The following RCAN2 variants were observed in gnomAD, a reference collection of about 807,000 sequenced individuals.
The protein encoded by RCAN2 is calcipressin-2.
In RCAN2, 9 loss-of-function variants were observed where a neutral mutation model predicts 23.6. The ratio of observed to expected loss-of-function variants is 0.38; its 90% CI spans 0.23 to 0.67. RCAN2 has a LOEUF of 0.67. RCAN2 is among the 30% of genes least tolerant of loss of function. The probability of loss-of-function intolerance (pLI) is 0.51; values close to 1 mark genes in which losing one functional copy is unlikely to be tolerated. For synonymous variants in RCAN2, 109 were observed against 115.7 expected, an observed-to-expected ratio of 0.94 and a Z score of 0.37; for missense variants, 273 against 302.3, an observed-to-expected ratio of 0.90 and a Z score of 0.72.
intron 2 of RCAN2, among the ~76,000 whole-genome samples, chr6:46,367,718 A>T (rs555868885): frequency 6.6e-6 from 1 of 152,340 alleles, no homozygotes; most frequent in South Asian, 2.1e-4. Context: ...TTTGAAACAC[A>T]TATAATCTCA....
rs979702293 is a variant in RCAN2 at position 46,296,066 on chromosome 6, C to T, written c.226-47170G>A. Among the ~76,000 whole-genome samples the T allele has an allele frequency of 2.9e-5, 4 of 138,452 alleles. No homozygotes were observed. In the East Asian group the frequency reaches 6.5e-4, roughly 23 times the overall value. 90.8% of individuals were successfully genotyped at this position (138,452 alleles called of 152,430 possible). On this transcript the variant is annotated intron_variant, in intron 2 of 4. Transcript: ENST00000371374. ...GCCTGGGATTACAGTCCAATAGCTT[C>T]GTGTGTGTGTGTGTGTGTGTGTGTG...
At chr6:46,426,350 CCTT>C (rs1230471477) in intron 2 of RCAN2, among the ~76,000 whole-genome samples, 1 of 152,064 alleles carries the variant, frequency 6.6e-6, no homozygotes, top group Non-Finnish European at 1.5e-5. Context: ...GTATAATAGA[CCTT>C]CTCTAGGTTT....
chr6:46,465,542 G>A (rs2150437943), intron 1 of RCAN2, among the ~76,000 whole-genome samples: 1 of 152,318 alleles, frequency 6.6e-6, no homozygotes, highest in South Asian at 2.1e-4. Flanking sequence ...GGGATATTCT[G>A]GAGAGAACAG....
intron 2 of RCAN2, among the ~76,000 whole-genome samples, chr6:46,282,445 C>A (rs56005039): frequency 4.9e-3 from 717 of 147,158 alleles, no homozygotes; most frequent in Non-Finnish European, 6.7e-3. Context: ...CCACTGCACT[C>A]CAGCCTGGGT....
chr6:46,293,069 G>A (rs372525559), intron 2 of RCAN2, among the ~76,000 whole-genome samples: 3 of 152,200 alleles, frequency 2.0e-5, no homozygotes, highest in African/African-American at 7.2e-5. Flanking sequence ...TTTTTTAATG[G>A]TTGTATAGTA....
chr6:46,370,549 G>A (rs1019220727), intron 2 of RCAN2, among the ~76,000 whole-genome samples: 1 of 152,170 alleles, frequency 6.6e-6, no homozygotes, highest in African/African-American at 2.4e-5. Flanking sequence ...TGTGACTTCT[G>A]CTTCCTCCCG....
At chr6:46,484,697 G>A (rs1405189603) in intron 1 of RCAN2, among the ~76,000 whole-genome samples, 2 of 152,180 alleles carry the variant, frequency 1.3e-5, no homozygotes, top group Non-Finnish European at 2.9e-5. Flanking sequence ...CTGTATCCAT[G>A]GGCCAGGCCA....
chr6:46,249,383 A>C (rs1488122145), intron 2 of RCAN2, among the ~76,000 whole-genome samples: 1 of 133,924 alleles, frequency 7.5e-6, no homozygotes, highest in Non-Finnish European at 1.5e-5. Context: ...CAGTGGCATG[A>C]TCTTGGCTCA....
At chr6:46,365,715 A>T in intron 2 of RCAN2, among the ~76,000 whole-genome samples, 1 of 152,156 alleles carries the variant, frequency 6.6e-6, no homozygotes, top group East Asian at 1.9e-4. Flanking sequence ...CTTAAAGCTC[A>T]ACATATTTGA....
intron 1 of RCAN2, among the ~76,000 whole-genome samples, chr6:46,483,301 T>C (rs1300516503): frequency 1.3e-5 from 2 of 152,190 alleles, no homozygotes; most frequent in Non-Finnish European, 2.9e-5. Context: ...AGGTTTACCA[T>C]TCCATCTCAC....
At chr6:46,338,520 G>C (rs1457519211) in intron 2 of RCAN2, among the ~76,000 whole-genome samples, 1 of 152,092 alleles carries the variant, frequency 6.6e-6, no homozygotes, top group East Asian at 1.9e-4. Flanking sequence ...ATAGGCAATG[G>C]GGAGTGAATT....
At chr6:46,230,491 A>C (rs895681062) in intron 4 of RCAN2, among the ~76,000 whole-genome samples, 1 of 152,136 alleles carries the variant, frequency 6.6e-6, no homozygotes, top group Admixed American at 6.6e-5. Context: ...GCCCCTCCTC[A>C]CAGCCTCCCT....
At chr6:46,225,443 T>C (rs1395271228) in intron 4 of RCAN2, among the ~76,000 whole-genome samples, 1 of 152,208 alleles carries the variant, frequency 6.6e-6, no homozygotes, top group Non-Finnish European at 1.5e-5. Context: ...CTCCAGCACC[T>C]GTTGTTTCCT....
At chr6:46,368,522 C>G (rs1046892492) in intron 2 of RCAN2, among the ~76,000 whole-genome samples, 1 of 152,126 alleles carries the variant, frequency 6.6e-6, no homozygotes, top group Non-Finnish European at 1.5e-5. Flanking sequence ...TTACACAAAC[C>G]TAGATGGTAT....
chr6:46,354,891 TTA>T (rs1218658331), intron 2 of RCAN2, among the ~76,000 whole-genome samples: 1,500 of 141,572 alleles, frequency 0.011, 15 homozygotes, highest in South Asian at 0.052. Context: ...AGGAAAAAGA[TTA>T]TATATGTGTG....
At chr6:46,291,707 A>G (rs1365522897) in intron 2 of RCAN2, among the ~76,000 whole-genome samples, 2 of 151,406 alleles carry the variant, frequency 1.3e-5, no homozygotes, top group African/African-American at 4.9e-5. Context: ...AATCACAAAC[A>G]TTCTGTGATT....
chr6:46,247,524 A>G (rs1051832088), intron 3 of RCAN2, among the ~76,000 whole-genome samples: 1 of 152,204 alleles, frequency 6.6e-6, no homozygotes, highest in Non-Finnish European at 1.5e-5. Context: ...CCCACTGGTC[A>G]CTGGCAACCA....
At chr6:46,358,937 G>A (rs149325544) in intron 2 of RCAN2, among the ~76,000 whole-genome samples, 6 of 152,234 alleles carry the variant, frequency 3.9e-5, no homozygotes, top group South Asian at 4.1e-4. Context: ...ACTAGGTGAC[G>A]TCTGGGGGAC....
intron 2 of RCAN2, among the ~76,000 whole-genome samples, chr6:46,454,495 A>G (rs1446862354): frequency 6.6e-6 from 1 of 152,174 alleles, no homozygotes; most frequent in African/African-American, 2.4e-5. Flanking sequence ...TCCATGTCAG[A>G]TTATTTGGTA....
Sources: allele counts gnomAD v4.1 joint callset (sites outside exome capture counted in the v4.1 genomes callset), GRCh38; gene constraint gnomAD v4.1.1; transcripts MANE v1.5; gene names NCBI Gene and HGNC (gene_info 2026-07-23, HGNC 2026-07-21).